The following PCDH10 variants were observed in gnomAD, a reference collection of about 807,000 sequenced individuals.
The protein encoded by PCDH10 is protocadherin 10.
A neutral mutation model predicts 74.4 loss-of-function variants in PCDH10; 15 were observed. The ratio of observed to expected loss-of-function variants is 0.20; its 90% CI spans 0.13 to 0.31. PCDH10 has a LOEUF of 0.31. Among genes scored for constraint, PCDH10 ranks in the 10% least tolerant of loss-of-function variants. The pLI, the probability that PCDH10 is intolerant of heterozygous loss-of-function variation, is 1.00. For missense variants in PCDH10, 1,260 were observed against 1,390.2 expected (o/e 0.91, Z 1.49); for synonymous variants, 619 against 589.8 (o/e 1.05, Z -0.72).
intron 4 of PCDH10, among the ~76,000 whole-genome samples, chr4:133,172,183 A>C (rs947081179): frequency 4.6e-5 from 7 of 152,020 alleles, no homozygotes; most frequent in Admixed American, 1.3e-4. Flanking sequence ...AGATGTTTCA[A>C]AGCAAATCCA....
At chr4:133,153,233 T>C (rs1726781686) in intron 1 of PCDH10, 2 of 1,034,058 alleles carry the variant, frequency 1.9e-6, no homozygotes, top group East Asian at 9.4e-5. Flanking sequence ...AAGTAAGCTA[T>C]AGATTGTTTA....
intron 4 of PCDH10, among the ~76,000 whole-genome samples, chr4:133,179,288 T>C (rs894587341): frequency 6.6e-6 from 1 of 152,168 alleles, no homozygotes; most frequent in Non-Finnish European, 1.5e-5. Flanking sequence ...TAGCTTTTAA[T>C]ATTAAGTAAT....
Position 133,150,850 on chromosome 4 carries a change from C to A in PCDH10, c.710C>A (p.Thr237Asn). 6.2e-7 allele frequency: 1 copy of A among 1,603,662 alleles called. No individual in the cohort carries two copies. Among genetic ancestry groups the A allele is most frequent in the South Asian group, 1.1e-5 (1 of 89,828 alleles). ...QQQRTGTALL[T>N]IRVLDSNDNV... ...CAGCGCACCGGCACGGCCCTACTCA[C>A]CATCCGAGTGCTGGACTCCAATGAC... is the stretch of plus-strand genomic sequence containing the variant. Residue 237 changes from threonine to asparagine, a missense_variant, in exon 1 of 5, where the codon ACC becomes AAC. Transcript: ENST00000264360.
chr4:133,174,536 T>A (rs1727255907), intron 4 of PCDH10, among the ~76,000 whole-genome samples: 1 of 151,722 alleles, frequency 6.6e-6, no homozygotes, highest in Admixed American at 6.6e-5. Context: ...TTTTGTAAAT[T>A]GTTACAAGGT....
intron 4 of PCDH10, among the ~76,000 whole-genome samples, chr4:133,166,112 T>A (rs191757963): frequency 1.3e-5 from 2 of 151,744 alleles, no homozygotes; most frequent in East Asian, 3.9e-4. Flanking sequence ...TTGCTTTCTC[T>A]TATTTTTCCT....
At chr4:133,163,826 A>G (rs917538406) in intron 4 of PCDH10, 4 of 401,148 alleles carry the variant, frequency 1.0e-5, no homozygotes, top group East Asian at 7.1e-5. Flanking sequence ...GATTGTAGAT[A>G]TGTCATTTCT....
chr4:133,184,320 T>G (rs1727482855), intron 4 of PCDH10, among the ~76,000 whole-genome samples: 1 of 151,928 alleles, frequency 6.6e-6, no homozygotes, highest in Admixed American at 6.6e-5. Context: ...CCTTATGAAT[T>G]AAAATTAAGA....
chr4:133,204,855 T>A (rs1047100867), intron 2 of PCDH10, among the ~76,000 whole-genome samples: 1 of 152,188 alleles, frequency 6.6e-6, no homozygotes, highest in African/African-American at 2.4e-5. Flanking sequence ...ATTAGTCACA[T>A]CTTCTCACAG....
rs1212514370 is a variant in PCDH10, at chr4:133,192,630, A to G, written c.*2470A>G. On this transcript the variant is annotated 3_prime_UTR_variant, in exon 5 of 5. Transcript: ENST00000264360. The stretch of plus-strand genomic sequence containing the variant: ...AGTTATACTAACTTACATTTTAGTT[A>G]TCATCAATCTACAAAACCAAAACCA... The G allele has an allele frequency of 1.3e-5, 2 of 151,578 alleles. No homozygotes were observed. The highest frequency in any genetic ancestry group is 4.8e-5 in the African/African-American group (2 of 41,380). 9.4% of individuals were successfully genotyped at this position (151,578 alleles called of 1,614,324 possible). A position where few individuals can be genotyped will look rare whatever the true frequency, so the allele number is the denominator to read the frequency against.
chr4:133,152,095 G>C lies in PCDH10; in HGVS notation c.1955G>C (p.Arg652Pro). Residue 652 changes from arginine (R) to proline (P), a missense_variant, in exon 1 of 5, where the codon CGG (arginine) becomes CCG (proline). Arg to Pro is a moderately radical substitution (Grantham distance 103, BLOSUM62 -2). Around this residue, in one of 11 missense-constraint regions of PCDH10, gnomAD observed 587 missense variants for 616.9 expected, o/e 0.95. Coordinates refer to ENST00000264360, the MANE Select transcript of PCDH10 (RefSeq NM_032961.3). ...RRVPAKRDPQ[R>P]PYELVIEVRD... ...GTCCCGGCCAAGCGCGACCCCCAGCGGCCTTATGAGCTGGTGATCGAGGTG... is the reference window on the plus strand; with the variant it reads ...GTCCCGGCCAAGCGCGACCCCCAGCCGCCTTATGAGCTGGTGATCGAGGTG... 1.3e-6 allele frequency: 2 copies of C among 1,590,388 alleles called. No homozygotes were observed. The highest frequency in any genetic ancestry group is 2.3e-5 in the South Asian group (2 of 87,046).
Position 133,152,718 on chromosome 4 carries a change from T to A in PCDH10, c.2578T>A (p.Tyr860Asn), listed in dbSNP as rs1726761487. 1 of 1,614,092 alleles carries A rather than the reference T, an allele frequency of 6.2e-7. No homozygotes were observed. Among genetic ancestry groups the A allele is most frequent in the African/African-American group, 1.3e-5 (1 of 74,938 alleles). Residue 860 changes from tyrosine to asparagine, a missense_variant, in exon 1 of 5, where the codon TAC (tyrosine) becomes AAC (asparagine). By Grantham distance (143) the Tyr-to-Asn change is moderately radical (BLOSUM62 -2). This residue lies in a region of PCDH10 where 587 missense variants were observed against 616.9 expected (regional missense o/e 0.95). Transcript: ENST00000264360. Reference sequence around the variant, plus strand: ...CCCCTGCGGGGCCATCGTCACCGGTTACACCGACCAGCAGCCTGATATCAT... The same window carrying A: ...CCCCTGCGGGGCCATCGTCACCGGTAACACCGACCAGCAGCCTGATATCAT... Reference protein sequence around the residue: ...HNPCGAIVTGYTDQQPDIISN... With the variant: ...HNPCGAIVTGNTDQQPDIISN...
At chr4:133,168,726 T>C (rs1456543036) in intron 4 of PCDH10, among the ~76,000 whole-genome samples, 5 of 151,644 alleles carry the variant, frequency 3.3e-5, no homozygotes, top group African/African-American at 1.2e-4. Flanking sequence ...ATATTATAAA[T>C]GCTAAATAAT....
chr4:133,153,815 T>G (rs1284104009), intron 1 of PCDH10: 1 of 153,662 alleles, frequency 6.5e-6, no homozygotes, highest in Non-Finnish European at 1.4e-5. Flanking sequence ...CTTTCATGAA[T>G]ATTTGTACAG....
At chr4:133,186,006 A>G (rs931157399) in intron 4 of PCDH10, among the ~76,000 whole-genome samples, 2 of 152,140 alleles carry the variant, frequency 1.3e-5, no homozygotes, top group African/African-American at 4.8e-5. Context: ...TGTGACAGTC[A>G]TTTGTCTTAA....
chr4:133,153,289 G>A (rs1726783400), intron 1 of PCDH10: 2 of 1,006,576 alleles, frequency 2.0e-6, no homozygotes, highest in Non-Finnish European at 2.4e-6. Context: ...TAGTGAACAA[G>A]TTACCAGATC....
chr4:133,204,379 A>G (rs1461841536), intron 2 of PCDH10, among the ~76,000 whole-genome samples: 2 of 152,292 alleles, frequency 1.3e-5, no homozygotes, highest in East Asian at 3.9e-4. Context: ...AGATGCTGTA[A>G]GCAGAGAGCT....
intron 2 of PCDH10, among the ~76,000 whole-genome samples, chr4:133,206,968 A>C (rs1728019960): frequency 6.6e-6 from 1 of 152,192 alleles, no homozygotes; most frequent in South Asian, 2.1e-4. Context: ...ATTCATAATT[A>C]AAATTTAAAA....
In PCDH10 at chr4:133,163,260, G is replaced by A. The variant is rs535982337; in HGVS notation, c.3081G>A (p.Ala1027=). 1.3e-5 allele frequency: 21 copies of A among 1,612,426 alleles called. No individual in the cohort carries two copies. Among genetic ancestry groups the A allele is most frequent in the African/African-American group, 9.4e-5 (7 of 74,850 alleles). The change falls in exon 4 of 5, where the codon GCG becomes GCA. Residue 1027 remains alanine (A), a synonymous_variant. Coordinates refer to ENST00000264360, the MANE Select transcript of PCDH10 (RefSeq NM_032961.3). The part of the protein sequence containing the change: ...ELDGLLTNTR[A]PYKPPYLTRK... ...ATGGACTGCTGACTAATACGCGAGC[G>A]CCTTACAAACCACCATATTTGAGTA... is the stretch of plus-strand genomic sequence containing the variant.
chr4:133,164,825 T>C (rs897084509), intron 4 of PCDH10, among the ~76,000 whole-genome samples: 4 of 151,212 alleles, frequency 2.6e-5, no homozygotes, highest in South Asian at 4.2e-4. Context: ...TGGTCTTTCA[T>C]TTAGAAATCT....
Sources: allele counts gnomAD v4.1 joint callset (sites outside exome capture counted in the v4.1 genomes callset), GRCh38; gene constraint gnomAD v4.1.1; regional missense constraint gnomAD v4.1.1; transcripts MANE v1.5; gene names NCBI Gene and HGNC (gene_info 2026-07-23, HGNC 2026-07-21).